Variants in NDE1 observed in about 807,000 individuals in gnomAD.
NDE1 encodes nuclear distribution protein nudE homolog 1.
In NDE1, 28 loss-of-function variants were observed where a neutral mutation model predicts 43.4. That is an observed-to-expected ratio of 0.65 (90% CI 0.48 to 0.89). The LOEUF (loss-of-function observed/expected upper bound fraction) is 0.89, where lower values mean the gene tolerates loss of function less well. NDE1 is among the 40% of genes least tolerant of loss of function. NDE1 has a pLI of 0.00. For synonymous variants in NDE1, 184 were observed against 172.0 expected, an observed-to-expected ratio of 1.07 and a Z score of -0.55; for missense variants, 441 against 434.1, an observed-to-expected ratio of 1.02 and a Z score of -0.14.
intron 3 of NDE1, among the ~76,000 whole-genome samples, chr16:15,676,321 C>T (rs1486525187): frequency 1.3e-5 from 2 of 150,334 alleles, no homozygotes; most frequent in Non-Finnish European, 3.0e-5. Context: ...GCGATTCTCC[C>T]GCGTCAGCCT....
At chr16:15,643,550 G>C in exon 1 of NDE1, 1 of 348,072 alleles carries the variant, frequency 2.9e-6, no homozygotes, top group South Asian at 2.1e-5. Context: ...GGATTTCAAT[G>C]AAAAACCCTG....
At chr16:15,695,856 G>A (rs2038984822) in intron 7 of NDE1, 1 of 306,372 alleles carries the variant, frequency 3.3e-6, no homozygotes, top group African/African-American at 2.3e-5. Flanking sequence ...GGTTTCCTCA[G>A]GGTCTGTTGT....
rs1555553475 is a variant in NDE1, at chr16:15,725,148, A to AC, written c.*897_*898insC. The AC allele has an allele frequency of 9.4e-4, 571 of 608,078 alleles. No homozygotes were observed. The highest frequency in any genetic ancestry group is 5.3e-3 in the East Asian group (184 of 34,740). The allele number at this position is 608,078 out of a possible 1,614,324, so 37.7% of individuals were successfully genotyped here. Reference sequence around the variant, plus strand: ...TGGGACTCTGATAAAAAAAAAAAAAAACACACACACACACAAAAAAAACAG... The same window carrying AC: ...TGGGACTCTGATAAAAAAAAAAAAAACACACACACACACACAAAAAAAACAG... On this transcript the variant is annotated 3_prime_UTR_variant, in exon 9 of 9. Transcript: ENST00000396354.
intron 8 of NDE1, chr16:15,711,406 GTGA>G (rs1240776056): frequency 6.6e-6 from 1 of 152,146 alleles, no homozygotes; most frequent in African/African-American, 2.4e-5. Flanking sequence ...TCAGGTCTTG[GTGA>G]TCAAGTTGTG....
At chr16:15,697,632 G>A (rs1449261401) in intron 8 of NDE1, among the ~76,000 whole-genome samples, 1 of 152,102 alleles carries the variant, frequency 6.6e-6, no homozygotes, top group East Asian at 1.9e-4. Context: ...AGAATCACTT[G>A]AACCCTGGAG....
At chr16:15,696,900 C>G in intron 8 of NDE1, 40 bp downstream of exon 8, 1 of 1,604,460 alleles carries the variant, frequency 6.2e-7, no homozygotes, top group South Asian at 1.1e-5. Flanking sequence ...GCGGGGAGAA[C>G]CCGCCTGCCC....
intron 1 of NDE1, among the ~76,000 whole-genome samples, chr16:15,660,172 A>G (rs1035500885): frequency 3.9e-5 from 6 of 152,138 alleles, no homozygotes; most frequent in African/African-American, 1.2e-4. Context: ...CGTTAGCCCA[A>G]CTGTTAATAG....
chr16:15,672,502 T>C (rs1289125511), intron 3 of NDE1, among the ~76,000 whole-genome samples: 3 of 152,164 alleles, frequency 2.0e-5, no homozygotes, highest in Non-Finnish European at 4.4e-5. Context: ...TATTTGTCAG[T>C]CACCTAAGAG....
chr16:15,709,768 C>A (rs988125553), intron 8 of NDE1, among the ~76,000 whole-genome samples: 2 of 152,162 alleles, frequency 1.3e-5, no homozygotes, highest in Admixed American at 1.3e-4. Flanking sequence ...CAAGAAGTCC[C>A]AGGCAAGGAA....
intron 4 of NDE1, among the ~76,000 whole-genome samples, chr16:15,680,307 G>A (rs1359402772): frequency 1.3e-5 from 2 of 152,154 alleles, no homozygotes; most frequent in African/African-American, 2.4e-5. Context: ...GGGGCCCACG[G>A]TGATAGATTT....
At chr16:15,718,775 C>G (rs1447002953) in intron 8 of NDE1, 4 of 445,476 alleles carry the variant, frequency 9.0e-6, no homozygotes, top group South Asian at 2.3e-5. Flanking sequence ...GACGGAAAAC[C>G]TAACCACCAT....
At chr16:15,690,111 GCTCACTGCA>G (rs2038656804) in intron 5 of NDE1, among the ~76,000 whole-genome samples, 1 of 151,904 alleles carries the variant, frequency 6.6e-6, no homozygotes, top group Admixed American at 6.6e-5. Flanking sequence ...CGTGATCTCA[GCTCACTGCA>G]CTCACTGCTT....
chr16:15,721,391 T>C (rs1398152073), intron 8 of NDE1: 3 of 1,611,086 alleles, frequency 1.9e-6, no homozygotes, highest in East Asian at 2.2e-5. Context: ...AGGCGAAACA[T>C]GGACGAGAAA....
chr16:15,706,962 A>G (rs1314919600), intron 8 of NDE1, among the ~76,000 whole-genome samples: 1 of 152,198 alleles, frequency 6.6e-6, no homozygotes, highest in Non-Finnish European at 1.5e-5. Flanking sequence ...TCCTAGACCA[A>G]GGTTGACACC....
chr16:15,680,345 TTG>T (rs1333765679), intron 4 of NDE1, among the ~76,000 whole-genome samples: 1 of 152,164 alleles, frequency 6.6e-6, no homozygotes, highest in Non-Finnish European at 1.5e-5. Context: ...GGCAAAAATC[TTG>T]TAAAGATGCA....
rs758363154 is a variant in NDE1 at position 15,677,954 on chromosome 16, G to A, written c.386+5G>A. On this transcript the variant is annotated splice_donor_5th_base_variant and intron_variant, in intron 4 of 8. Coordinates refer to ENST00000396354, the MANE Select transcript of NDE1 (RefSeq NM_017668.3). ...CGACCTGGAAAGAGCCAAGCGGTAT[G>A]GGTGGAAGGGAAAAGCACGAGTGGG... 4 of 1,614,018 alleles carry A rather than the reference G, an allele frequency of 2.5e-6. No individual in the cohort carries two copies. The highest frequency in any genetic ancestry group is 3.4e-6 in the Non-Finnish European group (4 of 1,180,018).
chr16:15,719,010 C>G (rs2040321566), intron 8 of NDE1: 1 of 613,306 alleles, frequency 1.6e-6, no homozygotes, highest in Non-Finnish European at 2.9e-6. Context: ...CACCTGTAGT[C>G]TCAGCTACTC....
chr16:15,650,240 C>T (rs1043949592), upstream of NDE1: 7 of 284,232 alleles, frequency 2.5e-5, no homozygotes, highest in Admixed American at 8.3e-5. Flanking sequence ...GCCGCACCGC[C>T]CTTCGCAGCC....
In NDE1 at chr16:15,694,225, A is replaced by G. The variant is rs767258810; in HGVS notation, c.764A>G (p.Asn255Ser). ...LTPAARISAL[N>S]IVGDLLRKVG... ...CCTGCGGCCCGGATATCAGCCCTCAACATTGTGGGAGACCTACTGCGGAAA... is the reference window on the plus strand; with the variant it reads ...CCTGCGGCCCGGATATCAGCCCTCAGCATTGTGGGAGACCTACTGCGGAAA... The change falls in exon 7 of 9, where the codon AAC becomes AGC. Residue 255 changes from asparagine (N) to serine (S), a missense_variant. Transcript: ENST00000396354. 9.9e-6 allele frequency: 16 copies of G among 1,613,674 alleles called. No homozygotes were observed. The highest frequency in any genetic ancestry group is 1.4e-5 in the Non-Finnish European group (16 of 1,180,034).
Sources: allele counts gnomAD v4.1 joint callset (sites outside exome capture counted in the v4.1 genomes callset), GRCh38; gene constraint gnomAD v4.1.1; transcripts MANE v1.5; gene names NCBI Gene and HGNC (gene_info 2026-07-23, HGNC 2026-07-21).